Variants in SLMAP observed in about 807,000 individuals in gnomAD.
SLMAP encodes the protein sarcolemmal membrane-associated protein.
Under a neutral mutation model 128.8 loss-of-function variants are expected in SLMAP, and 44 were observed. The ratio of observed to expected loss-of-function variants is 0.34; its 90% CI spans 0.27 to 0.44. The LOEUF is 0.44. Among genes scored for constraint, SLMAP ranks in the 20% least tolerant of loss-of-function variants. The pLI, the probability that SLMAP is intolerant of heterozygous loss-of-function variation, is 1.00. For synonymous variants in SLMAP, 327 were observed against 348.8 expected (o/e 0.94, Z 0.70); for missense variants, 787 against 985.3 (o/e 0.80, Z 2.69).
chr3:57,791,968 T>C (rs2085565952), intron 2 of SLMAP, among the ~76,000 whole-genome samples: 1 of 152,176 alleles, frequency 6.6e-6, no homozygotes, highest in Non-Finnish European at 1.5e-5. Flanking sequence ...TGTCTTTTTA[T>C]TGTGTTCAAA....
chr3:57,854,057 T>G (rs1450176786), intron 6 of SLMAP, among the ~76,000 whole-genome samples: 1 of 81,072 alleles, frequency 1.2e-5, no homozygotes, highest in Admixed American at 1.6e-4. Context: ...ACACATAACA[T>G]ATATAACACA....
At chr3:57,895,651 T>A (rs1400432448) in intron 15 of SLMAP, among the ~76,000 whole-genome samples, 1 of 151,772 alleles carries the variant, frequency 6.6e-6, no homozygotes, top group African/African-American at 2.4e-5. Context: ...TTTTAAAAAG[T>A]TTTTTCTTGG....
At chr3:57,900,193 C>T (rs1169562387) in intron 17 of SLMAP, 1 of 152,094 alleles carries the variant, frequency 6.6e-6, no homozygotes, top group Non-Finnish European at 1.5e-5. Context: ...TTTTTTTCCC[C>T]TTTTTTAAAA....
chr3:57,848,767 T>TGCAATCTCAGTTTACTGCAAC (rs2094393237), intron 5 of SLMAP, among the ~76,000 whole-genome samples: 1 of 133,854 alleles, frequency 7.5e-6, no homozygotes, highest in African/African-American at 2.7e-5. Context: ...TGGAGTGCAA[T>TGCAATCTCAGTTTACTGCAAC]GGTGCAATCT....
At chr3:57,762,525 A>C (rs2078895217) in intron 2 of SLMAP, among the ~76,000 whole-genome samples, 1 of 152,186 alleles carries the variant, frequency 6.6e-6, no homozygotes, top group African/African-American at 2.4e-5. Flanking sequence ...TTATTGTATA[A>C]TACTTAAATC....
intron 14 of SLMAP, among the ~76,000 whole-genome samples, chr3:57,876,738 A>G (rs896096195): frequency 6.6e-6 from 1 of 152,272 alleles, no homozygotes; most frequent in Non-Finnish European, 1.5e-5. Flanking sequence ...ATACATATCC[A>G]TGAACTCTGT....
intron 3 of SLMAP, among the ~76,000 whole-genome samples, chr3:57,831,762 G>A (rs2093352097): frequency 6.6e-6 from 1 of 152,100 alleles, no homozygotes; most frequent in South Asian, 2.1e-4. Flanking sequence ...GGACCAGTCA[G>A]CTGCAATGAC....
chr3:57,809,926 T>C (rs180679796), intron 2 of SLMAP, among the ~76,000 whole-genome samples: 1 of 152,304 alleles, frequency 6.6e-6, no homozygotes, highest in African/African-American at 2.4e-5. Context: ...ACTTGGGACC[T>C]GCTGAAAGGC....
At chr3:57,763,672 ATTTC>A (rs1250339573) in intron 2 of SLMAP, among the ~76,000 whole-genome samples, 1 of 152,124 alleles carries the variant, frequency 6.6e-6, no homozygotes, top group African/African-American at 2.4e-5. Context: ...AGGATTTGTT[ATTTC>A]TTCTTTCTAG....
chr3:57,856,822 G>T (rs994428729), intron 6 of SLMAP, among the ~76,000 whole-genome samples: 5 of 152,110 alleles, frequency 3.3e-5, no homozygotes, highest in Non-Finnish European at 5.9e-5. Context: ...CAGCACAGTA[G>T]GTTTGTTTAC....
intron 14 of SLMAP, among the ~76,000 whole-genome samples, chr3:57,878,154 T>C (rs2095648570): frequency 6.6e-6 from 1 of 152,122 alleles, no homozygotes. Flanking sequence ...CCTTCTTAAA[T>C]TTTAGGACAA....
intron 13 of SLMAP, among the ~76,000 whole-genome samples, chr3:57,869,638 A>ATATATAT (rs1553900319): frequency 2.4e-5 from 3 of 126,360 alleles, no homozygotes; most frequent in Non-Finnish European, 4.9e-5. Context: ...TATTATATAT[A>ATATATAT]TATATATATA....
At chr3:57,911,177 C>G (rs1172831279) in intron 19 of SLMAP, among the ~76,000 whole-genome samples, 2 of 152,062 alleles carry the variant, frequency 1.3e-5, no homozygotes, top group Non-Finnish European at 2.9e-5. Flanking sequence ...CTTGCCCAGG[C>G]ATTATTGAGT....
intron 10 of SLMAP, 126 bp downstream of exon 10, chr3:57,862,212 G>A (rs1315052944): frequency 1.4e-6 from 1 of 697,636 alleles, no homozygotes; most frequent in Non-Finnish European, 2.4e-6. Context: ...CAGCTTCTCA[G>A]GAGGCTGAGG....
chr3:57,887,033 G>T (rs554945207), intron 14 of SLMAP, among the ~76,000 whole-genome samples: 1 of 151,642 alleles, frequency 6.6e-6, no homozygotes, highest in Admixed American at 6.6e-5. Flanking sequence ...CTACAGCATT[G>T]TTCATATAGT....
At chr3:57,879,159 C>G (rs1411806799) in intron 14 of SLMAP, among the ~76,000 whole-genome samples, 1 of 152,160 alleles carries the variant, frequency 6.6e-6, no homozygotes, top group African/African-American at 2.4e-5. Context: ...TATTCAGCCT[C>G]CTTTGAACTT....
intron 5 of SLMAP, among the ~76,000 whole-genome samples, chr3:57,848,619 TTTC>T (rs749796467): frequency 1.3e-4 from 19 of 149,992 alleles, no homozygotes; most frequent in African/African-American, 2.0e-4. Flanking sequence ...CCCTCTTCTT[TTTC>T]TTCTTCTTCC....
In SLMAP at chr3:57,860,782, C is replaced by A; in HGVS notation, c.771C>A (p.Ser257=). 6.3e-7 allele frequency: 1 copy of A among 1,596,716 alleles called. No homozygotes were observed. Among genetic ancestry groups the A allele is most frequent in the Admixed American group, 1.8e-5 (1 of 55,420 alleles). Residue 257 remains serine, a synonymous_variant, in exon 9 of 25, where the codon TCC becomes TCA. Coordinates refer to ENST00000671191, the MANE Select transcript of SLMAP (RefSeq NM_001377540.1). ...KHNYETTAKE[S]LRRVLQEKIE... is the part of the protein sequence containing the mutation. ...ACTATGAGACAACAGCCAAAGAGTC[C>A]CTGAGGCGGGTTCTTCAGGAGAAAA... is the stretch of plus-strand genomic sequence containing the variant.
intron 2 of SLMAP, among the ~76,000 whole-genome samples, chr3:57,798,468 A>G (rs1454415716): frequency 6.6e-6 from 1 of 152,130 alleles, no homozygotes; most frequent in African/African-American, 2.4e-5. Flanking sequence ...GCTTAATCTA[A>G]GTTGCATGGG....
Sources: allele counts gnomAD v4.1 joint callset (sites outside exome capture counted in the v4.1 genomes callset), GRCh38; gene constraint gnomAD v4.1.1; transcripts MANE v1.5; gene names NCBI Gene and HGNC (gene_info 2026-07-23, HGNC 2026-07-21).